ATRNL1: variants seen among roughly 807,000 people sequenced by gnomAD.
ATRNL1 encodes attractin like 1.
Under a neutral mutation model 182.7 loss-of-function variants are expected in ATRNL1, and 95 were observed. That is an observed-to-expected ratio of 0.52 (90% CI 0.44 to 0.62). ATRNL1 has a LOEUF of 0.62. Ranked by LOEUF, ATRNL1 falls within the 20% of genes least tolerant of loss-of-function variation. The pLI, the probability that ATRNL1 is intolerant of heterozygous loss-of-function variation, is 0.00. For synonymous variants in ATRNL1, 576 were observed against 568.3 expected (o/e 1.01, Z -0.19); for missense variants, 1,471 against 1,679.5 (o/e 0.88, Z 2.17).
intron 24 of ATRNL1, among the ~76,000 whole-genome samples, chr10:115,483,307 G>A (rs1052197057): frequency 4.0e-5 from 6 of 151,272 alleles, no homozygotes; most frequent in Admixed American, 6.6e-5. Flanking sequence ...AAACTTTCAC[G>A]CTGGGAAAAA....
At chr10:115,632,782 G>GCCACA (rs1408536707) in intron 26 of ATRNL1, among the ~76,000 whole-genome samples, 11 of 152,038 alleles carry the variant, frequency 7.2e-5, no homozygotes, top group African/African-American at 2.2e-4. Flanking sequence ...TTTTTGGTAA[G>GCCACA]CCACAATACA....
intron 27 of ATRNL1, among the ~76,000 whole-genome samples, chr10:115,819,567 A>G (rs1555089620): frequency 2.0e-5 from 3 of 152,018 alleles, no homozygotes; most frequent in Non-Finnish European, 1.5e-5. Flanking sequence ...CACCAAATCC[A>G]TCCCTTTTTT....
chr10:115,383,390 G>T (rs1211570033), intron 19 of ATRNL1, among the ~76,000 whole-genome samples: 1 of 151,336 alleles, frequency 6.6e-6, no homozygotes, highest in African/African-American at 2.4e-5. Flanking sequence ...TATCTTTGTG[G>T]GTCTGTATGG....
intron 8 of ATRNL1, among the ~76,000 whole-genome samples, chr10:115,199,771 AACT>A (rs1466582933): frequency 3.3e-5 from 5 of 152,132 alleles, no homozygotes; most frequent in Admixed American, 3.3e-4. Flanking sequence ...GGAAAATGTA[AACT>A]AGTTTGTTTG....
intron 11 of ATRNL1, among the ~76,000 whole-genome samples, chr10:115,265,731 T>G (rs1010239371): frequency 6.6e-6 from 1 of 151,764 alleles, no homozygotes; most frequent in South Asian, 2.1e-4. Flanking sequence ...CTCTGGACCT[T>G]AAAATCATTA....
chr10:115,257,959 G>T (rs1851228376), intron 10 of ATRNL1, among the ~76,000 whole-genome samples: 1 of 152,196 alleles, frequency 6.6e-6, no homozygotes, highest in African/African-American at 2.4e-5. Context: ...GGCTTGTAGG[G>T]TTTCTGCCGA....
intron 10 of ATRNL1, among the ~76,000 whole-genome samples, chr10:115,245,341 A>G (rs1850583184): frequency 6.6e-6 from 1 of 151,872 alleles, no homozygotes; most frequent in South Asian, 2.1e-4. Context: ...TCTACTAAAA[A>G]TACAAAAATT....
At chr10:115,716,523 T>C (rs117155181) in intron 26 of ATRNL1, among the ~76,000 whole-genome samples, 2,840 of 152,296 alleles carry the variant, frequency 0.019, 42 homozygotes, top group Non-Finnish European at 0.028. Context: ...TTTAGAATTT[T>C]TTAACCTAGA....
chr10:115,098,453 C>CTTTTTTTTTT (rs71010006), intron 1 of ATRNL1, among the ~76,000 whole-genome samples: 2 of 80,752 alleles, frequency 2.5e-5, no homozygotes, highest in African/African-American at 6.2e-5. Context: ...ATACTAGTTT[C>CTTTTTTTTTT]TTTTTTTTTT....
chr10:115,362,446 C>T (rs930172843), intron 19 of ATRNL1, among the ~76,000 whole-genome samples: 11 of 151,174 alleles, frequency 7.3e-5, no homozygotes, highest in Non-Finnish European at 1.3e-4. Flanking sequence ...TATTTATCAC[C>T]TAACATACTT....
At chr10:115,164,141 A>G (rs1258061479) in intron 6 of ATRNL1, among the ~76,000 whole-genome samples, 1 of 152,162 alleles carries the variant, frequency 6.6e-6, no homozygotes, top group African/African-American at 2.4e-5. Context: ...TTGAGCATAG[A>G]GTATAAGCAT....
chr10:115,483,014 G>T (rs933531271), intron 24 of ATRNL1, among the ~76,000 whole-genome samples: 2 of 151,120 alleles, frequency 1.3e-5, no homozygotes, highest in Non-Finnish European at 3.0e-5. Context: ...TAAATAAAAT[G>T]GTATGTTTTA....
At chr10:115,332,824 GT>G (rs71303571) in intron 18 of ATRNL1, among the ~76,000 whole-genome samples, 2,103 of 148,060 alleles carry the variant, frequency 0.014, 39 homozygotes, top group African/African-American at 0.046. Flanking sequence ...TTTAATATCT[GT>G]TTTTTTTTTA....
At chr10:115,445,235 C>G (rs1264206339) in intron 21 of ATRNL1, among the ~76,000 whole-genome samples, 2 of 149,856 alleles carry the variant, frequency 1.3e-5, no homozygotes, top group Non-Finnish European at 3.0e-5. Flanking sequence ...TTGAGACCAG[C>G]CTGGCCAACA....
chr10:115,372,957 G>A (rs915429373), intron 19 of ATRNL1, among the ~76,000 whole-genome samples: 11 of 152,074 alleles, frequency 7.2e-5, no homozygotes, highest in East Asian at 3.9e-4. Context: ...ATCACTTTGC[G>A]TAATATGGAC....
chr10:115,763,475 A>G (rs914798257), intron 27 of ATRNL1, among the ~76,000 whole-genome samples: 1 of 152,178 alleles, frequency 6.6e-6, no homozygotes, highest in Non-Finnish European at 1.5e-5. Flanking sequence ...AAAAAGAAAA[A>G]AGATAAATTT....
chr10:115,928,025 A>T (rs1170706226), intron 28 of ATRNL1, among the ~76,000 whole-genome samples: 1 of 152,020 alleles, frequency 6.6e-6, no homozygotes, highest in African/African-American at 2.4e-5. Context: ...ACTGTTTGGG[A>T]GACTGAATTG....
At chr10:115,711,359 C>T (rs1947058952) in intron 26 of ATRNL1, among the ~76,000 whole-genome samples, 1 of 152,144 alleles carries the variant, frequency 6.6e-6, no homozygotes, top group South Asian at 2.1e-4. Flanking sequence ...GGCAGACTTG[C>T]TTCTAAAAGG....
chr10:115,401,056 T>C (rs2134302689), intron 20 of ATRNL1, among the ~76,000 whole-genome samples: 1 of 152,124 alleles, frequency 6.6e-6, no homozygotes, highest in East Asian at 1.9e-4. Context: ...AAGATAAACA[T>C]TGATTTATTA....
Sources: allele counts gnomAD v4.1 joint callset (sites outside exome capture counted in the v4.1 genomes callset), GRCh38; gene constraint gnomAD v4.1.1; transcripts MANE v1.5; gene names NCBI Gene and HGNC (gene_info 2026-07-23, HGNC 2026-07-21).